Variants in ANK3 observed in about 807,000 individuals in gnomAD.
ANK3 encodes ankyrin 3.
ANK3 carries 57 observed loss-of-function variants against 370.9 expected under a neutral mutation model. The observed-to-expected ratio is 0.15, with a 90% confidence interval of 0.12 to 0.19. The LOEUF is 0.19. ANK3 is among the 10% of genes least tolerant of loss of function. The pLI, the probability that ANK3 is intolerant of heterozygous loss-of-function variation, is 1.00. For missense variants in ANK3, 4,439 were observed against 5,302.1 expected, an observed-to-expected ratio of 0.84 and a Z score of 5.06; for synonymous variants, 1,929 against 1,946.3, an observed-to-expected ratio of 0.99 and a Z score of 0.23.
intron 1 of ANK3, among the ~76,000 whole-genome samples, chr10:60,301,499 T>C (rs10761475): frequency 0.76 from 114,073 of 149,838 alleles, 43,526 homozygotes; most frequent in South Asian, 0.92. Context: ...CTGCAATCTG[T>C]GCTTCCCTGG....
At chr10:60,659,686 A>G (rs1249312988) in intron 1 of ANK3, among the ~76,000 whole-genome samples, 1 of 152,146 alleles carries the variant, frequency 6.6e-6, no homozygotes, top group East Asian at 1.9e-4. Flanking sequence ...CATTAAAGTG[A>G]CTAAGGAAAA....
chr10:60,732,993 C>T (rs2080046728), intron 1 of ANK3, among the ~76,000 whole-genome samples: 1 of 151,912 alleles, frequency 6.6e-6, no homozygotes, highest in Non-Finnish European at 1.5e-5. Context: ...GTCCTCGGGC[C>T]CCCCTCTCTC....
intron 25 of ANK3, among the ~76,000 whole-genome samples, chr10:60,117,938 G>C (rs550708241): frequency 4.6e-5 from 7 of 152,334 alleles, no homozygotes; most frequent in African/African-American, 1.7e-4. Flanking sequence ...TTGCGGAAAT[G>C]GGAGGATACG....
intron 36 of ANK3, among the ~76,000 whole-genome samples, chr10:60,080,273 G>A (rs1385598877): frequency 6.6e-6 from 1 of 152,006 alleles, no homozygotes; most frequent in Non-Finnish European, 1.5e-5. Context: ...TAAAAATCAA[G>A]GTTTTAAAAG....
At chr10:60,307,307 G>A (rs1321466468) in intron 1 of ANK3, among the ~76,000 whole-genome samples, 4 of 152,050 alleles carry the variant, frequency 2.6e-5, no homozygotes, top group African/African-American at 7.2e-5. Context: ...TTTGGCAGTC[G>A]TGGCCTCATG....
intron 2 of ANK3, among the ~76,000 whole-genome samples, chr10:60,518,843 G>T (rs181048966): frequency 6.6e-6 from 1 of 152,108 alleles, no homozygotes; most frequent in Non-Finnish European, 1.5e-5. Context: ...TCTGGCTTGC[G>T]ATGCCTGAAG....
chr10:60,156,434 G>A (rs2095329844), intron 23 of ANK3, among the ~76,000 whole-genome samples: 1 of 152,166 alleles, frequency 6.6e-6, no homozygotes, highest in African/African-American at 2.4e-5. Flanking sequence ...ATCAGCGACA[G>A]CCAGGCAGTA....
chr10:60,082,801 A>G (rs2085602153), intron 33 of ANK3, 64 bp from the exon 34 acceptor site: 2 of 1,539,062 alleles, frequency 1.3e-6, no homozygotes, highest in African/African-American at 1.4e-5. Context: ...TTAACTGTAT[A>G]AGAGTTAAGC....
intron 1 of ANK3, among the ~76,000 whole-genome samples, chr10:60,384,342 G>T (rs559012181): frequency 4.7e-4 from 71 of 152,262 alleles, no homozygotes; most frequent in African/African-American, 1.5e-3. Flanking sequence ...ACTGCAGAGG[G>T]TAAGAAAAAC....
At chr10:60,560,801 G>A (rs2077318368) in intron 2 of ANK3, among the ~76,000 whole-genome samples, 1 of 152,014 alleles carries the variant, frequency 6.6e-6, no homozygotes, top group Admixed American at 6.6e-5. Flanking sequence ...AAACTTTGAA[G>A]TTAACTCATA....
intron 2 of ANK3, among the ~76,000 whole-genome samples, chr10:60,587,418 A>G (rs1476141552): frequency 6.6e-6 from 1 of 152,202 alleles, no homozygotes; most frequent in East Asian, 1.9e-4. Context: ...AAAACTCGAG[A>G]TGCCCAGGTG....
At chr10:60,706,640 T>G (rs1474276877) in intron 1 of ANK3, among the ~76,000 whole-genome samples, 1 of 152,122 alleles carries the variant, frequency 6.6e-6, no homozygotes, top group East Asian at 1.9e-4. Flanking sequence ...TCTTTAACTC[T>G]TACATCTCTC....
In ANK3 at chr10:60,074,125, C is replaced by T. The variant is rs2083307771; in HGVS notation, c.6756G>A (p.Met2252Ile). 1 of 1,613,736 alleles carries T rather than the reference C, an allele frequency of 6.2e-7. No individual in the cohort carries two copies. The highest frequency in any genetic ancestry group is 8.5e-7 in the Non-Finnish European group (1 of 1,179,942). ...CACCGCCTGGTGGAGAATGATAAAC[C>T]ATTCTGGTGGTTGTGGTTATGTGAG... Reference protein sequence around the residue: ...EETHITTTTRMVYHSPPGGEG... With the variant: ...EETHITTTTRIVYHSPPGGEG... The change falls in exon 37 of 44, where the codon ATG (methionine) becomes ATA (isoleucine). Residue 2252 changes from methionine to isoleucine, a missense_variant. Met to Ile is a conservative substitution (Grantham distance 10, BLOSUM62 1). Around this residue, in one of 13 missense-constraint regions of ANK3, gnomAD observed 1,601 missense variants for 1,731.7 expected, o/e 0.92. Coordinates refer to ENST00000280772, the MANE Select transcript of ANK3 (RefSeq NM_020987.5).
At chr10:60,295,002 T>C (rs1280840861) in intron 1 of ANK3, among the ~76,000 whole-genome samples, 1 of 152,222 alleles carries the variant, frequency 6.6e-6, no homozygotes, top group Non-Finnish European at 1.5e-5. Context: ...AGGTAACCGC[T>C]GGACTCTGTC....
intron 2 of ANK3, among the ~76,000 whole-genome samples, chr10:60,489,570 T>A (rs1023139895): frequency 2.6e-5 from 4 of 152,170 alleles, no homozygotes; most frequent in African/African-American, 9.7e-5. Flanking sequence ...TCTGTAAACA[T>A]AAACAGGTAT....
chr10:60,356,058 T>C (rs1397648929), intron 1 of ANK3, among the ~76,000 whole-genome samples: 4 of 152,170 alleles, frequency 2.6e-5, no homozygotes, highest in African/African-American at 9.7e-5. Context: ...GAACAAAATA[T>C]GTGCCGGGCT....
intron 2 of ANK3, among the ~76,000 whole-genome samples, chr10:60,410,204 G>A (rs1387243127): frequency 1.3e-5 from 2 of 151,998 alleles, no homozygotes; most frequent in Non-Finnish European, 2.9e-5. Flanking sequence ...TGAGGCAGGA[G>A]AATCACTTGA....
At chr10:60,124,154 A>G (rs946170365) in intron 25 of ANK3, among the ~76,000 whole-genome samples, 2 of 151,864 alleles carry the variant, frequency 1.3e-5, no homozygotes, top group Non-Finnish European at 2.9e-5. Context: ...ATACCCCTAG[A>G]TATTTATTTA....
chr10:60,077,668 C>A (rs1317774568), intron 36 of ANK3, among the ~76,000 whole-genome samples: 1 of 152,134 alleles, frequency 6.6e-6, no homozygotes, highest in Non-Finnish European at 1.5e-5. Flanking sequence ...ATAACCTAAT[C>A]TACATTTAAT....
Sources: gnomAD v4.1 joint callset for allele counts (sites outside exome capture counted in the v4.1 genomes callset) on GRCh38, gnomAD v4.1.1 for gene constraint, gnomAD v4.1.1 regional missense constraint, MANE v1.5 for transcripts, NCBI Gene and HGNC (gene_info 2026-07-23, HGNC 2026-07-21) for gene names.